Variants in LOXHD1 observed in about 807,000 individuals in gnomAD.
LOXHD1 encodes the protein lipoxygenase homology PLAT domains 1.
Under a neutral mutation model 248.2 loss-of-function variants are expected in LOXHD1, and 205 were observed. The ratio of observed to expected loss-of-function variants is 0.83; its 90% CI spans 0.74 to 0.93. The LOEUF is 0.93. Ranked by LOEUF, LOXHD1 falls within the 40% of genes least tolerant of loss-of-function variation. The pLI is 0.00. For missense variants in LOXHD1, 2,930 were observed against 2,971.6 expected (o/e 0.99, Z 0.33); for synonymous variants, 1,113 against 1,162.8 (o/e 0.96, Z 0.87).
chr18:46,539,402 A>G (rs931032467), intron 25 of LOXHD1, among the ~76,000 whole-genome samples: 8 of 152,184 alleles, frequency 5.3e-5, no homozygotes, highest in Non-Finnish European at 1.2e-4. Flanking sequence ...TGGAGGTTGC[A>G]GTAAGCTGAG....
chr18:46,550,331 T>G (rs897229320), intron 21 of LOXHD1, among the ~76,000 whole-genome samples: 7 of 151,468 alleles, frequency 4.6e-5, no homozygotes, highest in Non-Finnish European at 1.0e-4. Flanking sequence ...CCCAGCACTT[T>G]GGGAGGCCGA....
rs745402795 is a variant in LOXHD1 at position 46,485,141 on chromosome 18, G to A, written c.6060C>T (p.Ile2020=). 2.7e-5 allele frequency: 42 copies of A among 1,549,460 alleles called. No individual in the cohort carries two copies. The highest frequency in any genetic ancestry group is 1.7e-4 in the Middle Eastern group (1 of 6,014). The stretch of plus-strand genomic sequence containing the variant: ...CGCCTCCGTTGCCCGTTTCTATGAC[G>A]ATCTCGTAGGCTGTAATGGAGGAGG... ...CDELEETTYE[I]VIETGNGGET... is the part of the protein sequence containing the mutation. Residue 2020 remains isoleucine (I), a synonymous_variant, in exon 39 of 41, where the codon ATC becomes ATT. Coordinates refer to ENST00000642948, the MANE Select transcript of LOXHD1 (RefSeq NM_001384474.1).
At chr18:46,596,379 G>A (rs1319737448) in intron 8 of LOXHD1, among the ~76,000 whole-genome samples, 8 of 152,154 alleles carry the variant, frequency 5.3e-5, no homozygotes, top group Admixed American at 5.2e-4. Context: ...GAAACCCAGA[G>A]AGTAGGCAAA....
intron 14 of LOXHD1, among the ~76,000 whole-genome samples, chr18:46,573,435 T>A (rs438062): frequency 0.42 from 64,545 of 152,082 alleles, 15,682 homozygotes; most frequent in East Asian, 0.55. Context: ...GCAGAATAGA[T>A]ACCGTTCATT....
At chr18:46,611,112 G>C (rs958336942) in intron 5 of LOXHD1, among the ~76,000 whole-genome samples, 188 bp from the exon 6 acceptor site, 1 of 152,124 alleles carries the variant, frequency 6.6e-6, no homozygotes, top group African/African-American at 2.4e-5. Context: ...TGTGTGGCTT[G>C]TGCCCAGGTC....
chr18:46,494,574 T>C (rs1171028236), intron 37 of LOXHD1, among the ~76,000 whole-genome samples: 1 of 152,166 alleles, frequency 6.6e-6, no homozygotes, highest in East Asian at 1.9e-4. Flanking sequence ...ACAAACACTT[T>C]TTCACATATG....
chr18:46,604,097 C>A lies in LOXHD1; in HGVS notation c.883+9G>T. On this transcript the variant is annotated intron_variant, in intron 7 of 40. Coordinates refer to ENST00000642948, the MANE Select transcript of LOXHD1 (RefSeq NM_001384474.1). ...TACCCAAAAGAGCCTCCCCTTTCTT[C>A]AAATCTACCTGTGGTCTCAGCTCCG... The A allele has an allele frequency of 6.4e-7, 1 of 1,551,692 alleles. No homozygotes were observed. Among genetic ancestry groups the A allele is most frequent in the Non-Finnish European group, 8.7e-7 (1 of 1,146,964 alleles).
At chr18:46,527,800 A>T (rs759428588) in intron 29 of LOXHD1, among the ~76,000 whole-genome samples, 1 of 152,254 alleles carries the variant, frequency 6.6e-6, no homozygotes, top group Non-Finnish European at 1.5e-5. Flanking sequence ...CTGGTACAAC[A>T]TGCTCTTACA....
chr18:46,574,615 TAA>T (rs534992278), intron 14 of LOXHD1, among the ~76,000 whole-genome samples: 57 of 122,902 alleles, frequency 4.6e-4, no homozygotes, highest in Admixed American at 5.8e-4. Flanking sequence ...ACCCATTTTC[TAA>T]AAAAAAAAAA....
chr18:46,507,193 C>T lies in LOXHD1; in HGVS notation c.5692+345G>A, dbSNP rs8085842. ...TAGATGGCCACCAAGCACATGGGTC[C>T]GAGCATGCCTGAGGTGCATGACACT... On this transcript the variant is annotated intron_variant, in intron 36 of 40. Coordinates refer to ENST00000642948, the MANE Select transcript of LOXHD1 (RefSeq NM_001384474.1). 6.8e-3 allele frequency among the ~76,000 whole-genome samples: 1,031 copies of T among 152,290 alleles called. 9 individuals carry two copies. The highest frequency in any genetic ancestry group is 0.023 in the African/African-American group (941 of 41,546).
At chr18:46,595,510 T>C (rs1233421056) in intron 8 of LOXHD1, among the ~76,000 whole-genome samples, 2 of 152,230 alleles carry the variant, frequency 1.3e-5, no homozygotes, top group African/African-American at 4.8e-5. Flanking sequence ...GAAAGAAGAA[T>C]AAAGTGCCCA....
At position 46,651,826 on chromosome 18, in the gene LOXHD1, T is replaced by C. The variant is rs982869688; in HGVS notation, c.131-2557A>G. Among the ~76,000 whole-genome samples the C allele has an allele frequency of 2.0e-4, 30 of 152,248 alleles. 1 individual carries two copies. In the South Asian group the frequency reaches 4.6e-3, roughly 23 times the overall value. On this transcript the variant is annotated intron_variant, in intron 1 of 40. Coordinates refer to ENST00000642948, the MANE Select transcript of LOXHD1 (RefSeq NM_001384474.1). ...GGAGGGAACCACACTATTTTTTCAA[T>C]GGGCAACAAGTTTTTAAGAAGATAA...
chr18:46,484,943 A>G, intron 39 of LOXHD1, 76 bp downstream of exon 39: 1 of 1,509,986 alleles, frequency 6.6e-7, no homozygotes, highest in Non-Finnish European at 9.0e-7. Flanking sequence ...TATGGCTCCC[A>G]CCCAAGAGGG....
At chr18:46,525,198 G>A (rs1598917059) in intron 29 of LOXHD1, among the ~76,000 whole-genome samples, 1 of 152,322 alleles carries the variant, frequency 6.6e-6, no homozygotes, top group East Asian at 1.9e-4. Flanking sequence ...GTGTTTCGAA[G>A]CCTCCTCTGT....
chr18:46,517,572 G>T (rs1370697652), intron 34 of LOXHD1, among the ~76,000 whole-genome samples: 1 of 152,088 alleles, frequency 6.6e-6, no homozygotes, highest in Non-Finnish European at 1.5e-5. Flanking sequence ...CCCTCCTTAG[G>T]TTAAGCTGTG....
At chr18:46,523,286 G>A (rs754570857) in intron 31 of LOXHD1, among the ~76,000 whole-genome samples, 2 of 152,170 alleles carry the variant, frequency 1.3e-5, no homozygotes, top group Admixed American at 6.5e-5. Flanking sequence ...ACTGGGAGGA[G>A]TACTCTTTTT....
intron 34 of LOXHD1, among the ~76,000 whole-genome samples, chr18:46,512,411 C>T (rs1465657861): frequency 2.0e-5 from 3 of 152,104 alleles, no homozygotes; most frequent in Non-Finnish European, 2.9e-5. Flanking sequence ...ATTGCCTAGA[C>T]ACCCCCATTT....
Position 46,541,763 on chromosome 18 carries a change from G to A in LOXHD1, c.3913+13C>T. ...CCCAGAGAAGGGCTGGCCTTGCCGTGTGTGGTTCCTACATGGTGTGTACAG... is the reference window on the plus strand; with the variant it reads ...CCCAGAGAAGGGCTGGCCTTGCCGTATGTGGTTCCTACATGGTGTGTACAG... On this transcript the variant is annotated intron_variant, in intron 25 of 40. Transcript: ENST00000642948. The A allele has an allele frequency of 1.3e-6, 2 of 1,551,664 alleles. No individual in the cohort carries two copies. The highest frequency in any genetic ancestry group is 4.9e-5 in the East Asian group (2 of 40,908).
intron 23 of LOXHD1, among the ~76,000 whole-genome samples, chr18:46,544,431 G>A (rs531182329): frequency 6.6e-6 from 1 of 151,742 alleles, no homozygotes; most frequent in African/African-American, 2.4e-5. Context: ...TTTGATCATG[G>A]TTCAGGAATG....
Sources: allele counts gnomAD v4.1 joint callset (sites outside exome capture counted in the v4.1 genomes callset), GRCh38; gene constraint gnomAD v4.1.1; transcripts MANE v1.5; gene names NCBI Gene and HGNC (gene_info 2026-07-23, HGNC 2026-07-21).